Variants in OPRM1 observed in about 807,000 individuals in gnomAD.
The protein encoded by OPRM1 is opioid receptor mu 1, also known as mu-type opioid receptor.
Under a neutral mutation model 31.8 loss-of-function variants are expected in OPRM1, and 27 were observed. The observed-to-expected ratio is 0.85, with a 90% CI of 0.63 to 1.17. OPRM1 has a LOEUF of 1.17. Ranked by LOEUF, OPRM1 falls within the 50% of genes most tolerant of loss-of-function variation. The pLI is 0.00. For synonymous variants in OPRM1, 196 were observed against 189.9 expected, an observed-to-expected ratio of 1.03 and a Z score of -0.26; for missense variants, 536 against 511.1, an observed-to-expected ratio of 1.05 and a Z score of -0.47.
chr6:154,056,097 C>CTCTTTTCTTTTCTTTTCTTT (rs10633291), intron 1 of OPRM1, among the ~76,000 whole-genome samples: 14 of 151,342 alleles, frequency 9.3e-5, no homozygotes, highest in African/African-American at 3.4e-4. Flanking sequence ...AATGATGGAG[C>CTCTTTTCTTTTCTTTTCTTT]TCTTTTCTTT....
chr6:154,030,505 T>G (rs1280102157), intron 1 of OPRM1, among the ~76,000 whole-genome samples: 2 of 151,998 alleles, frequency 1.3e-5, no homozygotes, highest in Non-Finnish European at 2.9e-5. Context: ...TCAAGGGAAA[T>G]GAGGAGAAAA....
rs768490411 is a variant in OPRM1, at chr6:154,221,372, T to C, written c.1165-25321T>C. 113 of 1,446,760 alleles carry C rather than the reference T, an allele frequency of 7.8e-5. 2 individuals are homozygous for C. In the South Asian group the frequency reaches 1.3e-3, roughly 17 times the overall value. The allele number at this position is 1,446,760 out of a possible 1,614,324, so 89.6% of individuals were successfully genotyped here. A position where few individuals can be genotyped will look rare whatever the true frequency, so the allele number is the denominator to read the frequency against. ...CAAACACATAAAAAATTAGTGTTTA[T>C]AGTCAACAATGGGTCTGAAAGTAAA... On this transcript the variant is annotated intron_variant, in intron 3 of 3. Coordinates refer to the OPRM1 transcript ENST00000337049.
Position 154,122,896 on chromosome 6 carries a change from G to T in OPRM1, c.*4175G>T, listed in dbSNP as rs1475632724. On this transcript the variant is annotated 3_prime_UTR_variant, in exon 4 of 4. Transcript: ENST00000330432. ...GGACCTCATGCAAGAAAGAATTCAG[G>T]AGTAAAGTGAAAGTGAAATGGGTCA... Among the ~76,000 whole-genome samples, 1 of 152,166 alleles carries T rather than the reference G, an allele frequency of 6.6e-6. No individual in the cohort carries two copies. The highest frequency in any genetic ancestry group is 1.5e-5 in the Non-Finnish European group (1 of 68,028).
chr6:154,093,641 A>G, intron 3 of OPRM1: 1 of 1,047,288 alleles, frequency 9.5e-7, no homozygotes, highest in Non-Finnish European at 1.3e-6. Flanking sequence ...GCCTCTATGA[A>G]GCAGTATCAG....
chr6:154,146,919 C>T (rs1333291583), intron 3 of OPRM1, among the ~76,000 whole-genome samples: 1 of 152,102 alleles, frequency 6.6e-6, no homozygotes, highest in Non-Finnish European at 1.5e-5. Context: ...GGGAAGTAAG[C>T]TAATTAACAA....
In OPRM1 at chr6:154,120,718, A is replaced by G. The variant is rs756137722; in HGVS notation, c.*1997A>G. On this transcript the variant is annotated 3_prime_UTR_variant, in exon 4 of 4. Transcript: ENST00000330432. ...CTAGGATGGTTTCTCCCAAGAGATG[A>G]CATAGTATTGCTTTTGCTCATCAGG... 4.4e-4 allele frequency among the ~76,000 whole-genome samples: 67 copies of G among 152,206 alleles called. No individual in the cohort carries two copies. The highest frequency in any genetic ancestry group is 8.1e-4 in the Non-Finnish European group (55 of 68,036).
intron 3 of OPRM1, among the ~76,000 whole-genome samples, chr6:154,180,415 T>TATA (rs1491475267): frequency 7.2e-4 from 21 of 29,346 alleles, no homozygotes; most frequent in African/African-American, 2.2e-3. Context: ...TATATATATA[T>TATA]TTTTTTTTTA....
chr6:154,088,286 AACC>A (rs1791148963), intron 1 of OPRM1, among the ~76,000 whole-genome samples: 1 of 152,194 alleles, frequency 6.6e-6, no homozygotes, highest in South Asian at 2.1e-4. Flanking sequence ...ACAGAAAGCA[AACC>A]AAGATCAGCA....
In OPRM1 at chr6:154,176,212, T is replaced by C. The variant is rs888257775; in HGVS notation, c.1165-70481T>C. 3.3e-5 allele frequency among the ~76,000 whole-genome samples: 5 copies of C among 152,280 alleles called. No homozygotes were observed. In the East Asian group the frequency reaches 9.6e-4, roughly 29 times the overall value. On this transcript the variant is annotated intron_variant, in intron 3 of 3. Transcript: ENST00000337049. ...CTATTTATGACAAACCCACAGCCAA[T>C]ATCATACTGAATGGGCAAAAACTGG...
chr6:154,041,813 T>G (rs1008845605), intron 1 of OPRM1, among the ~76,000 whole-genome samples: 2 of 152,240 alleles, frequency 1.3e-5, no homozygotes, highest in Non-Finnish European at 2.9e-5. Context: ...TCCTGCCATC[T>G]GAAACATAAT....
intron 1 of OPRM1, chr6:154,011,026 A>G: frequency 7.8e-7 from 1 of 1,290,064 alleles, no homozygotes; most frequent in Non-Finnish European, 1.0e-6. Context: ...AGGGTAGGGT[A>G]CAGCTCATTT....
chr6:154,243,322 A>G (rs1464644255), intron 3 of OPRM1, among the ~76,000 whole-genome samples: 2 of 152,198 alleles, frequency 1.3e-5, no homozygotes, highest in African/African-American at 2.4e-5. Context: ...TTAAACTTGC[A>G]TATGGTTTTG....
At chr6:154,103,896 A>G (rs1373795617) in intron 3 of OPRM1, among the ~76,000 whole-genome samples, 1 of 152,082 alleles carries the variant, frequency 6.6e-6, no homozygotes, top group Non-Finnish European at 1.5e-5. Context: ...TATGACCTGT[A>G]TTTTGTGCTG....
At chr6:154,042,395 G>C (rs1447797944) in intron 1 of OPRM1, among the ~76,000 whole-genome samples, 1 of 152,150 alleles carries the variant, frequency 6.6e-6, no homozygotes, top group Non-Finnish European at 1.5e-5. Context: ...AAGTATTGAG[G>C]AGAAATGTTC....
chr6:154,160,055 A>G (rs1439276928), intron 3 of OPRM1: 1 of 1,589,348 alleles, frequency 6.3e-7, no homozygotes, highest in Non-Finnish European at 8.6e-7. Flanking sequence ...GTGAGTAGAA[A>G]AAAAGGGGAA....
chr6:154,095,872 C>T (rs1443955264), intron 3 of OPRM1, among the ~76,000 whole-genome samples: 1 of 152,134 alleles, frequency 6.6e-6, no homozygotes, highest in African/African-American at 2.4e-5. Flanking sequence ...CACACACGCC[C>T]TACACTGCTG....
At chr6:154,208,301 C>T (rs1777671331) in intron 3 of OPRM1, among the ~76,000 whole-genome samples, 3 of 152,158 alleles carry the variant, frequency 2.0e-5, no homozygotes, top group Admixed American at 1.3e-4. Flanking sequence ...TCTCACTGTT[C>T]CCTTTGCTTG....
chr6:154,191,326 A>G (rs1017366716), intron 3 of OPRM1, among the ~76,000 whole-genome samples: 1 of 152,214 alleles, frequency 6.6e-6, no homozygotes, highest in Non-Finnish European at 1.5e-5. Flanking sequence ...TAGTGGATAC[A>G]TGACGTTATA....
intron 3 of OPRM1, among the ~76,000 whole-genome samples, chr6:154,173,153 C>T (rs1246520330): frequency 6.6e-6 from 1 of 152,118 alleles, no homozygotes; most frequent in African/African-American, 2.4e-5. Flanking sequence ...ACATCAAAAC[C>T]CCATCCGTAG....
Sources: gnomAD v4.1 joint callset for allele counts (sites outside exome capture counted in the v4.1 genomes callset) on GRCh38, gnomAD v4.1.1 for gene constraint, MANE v1.5 for transcripts, NCBI Gene and HGNC (gene_info 2026-07-23, HGNC 2026-07-21) for gene names.